The following SLIT3 variants were observed in gnomAD, a reference collection of about 807,000 sequenced individuals.
SLIT3 encodes slit homolog 3 protein.
A neutral mutation model predicts 184.0 loss-of-function variants in SLIT3; 68 were observed. The ratio of observed to expected loss-of-function variants is 0.37; its 90% CI spans 0.30 to 0.45. The LOEUF is 0.45. Among genes scored for constraint, SLIT3 ranks in the 20% least tolerant of loss-of-function variants. SLIT3 has a pLI of 1.00. For synonymous variants in SLIT3, 831 were observed against 828.6 expected (o/e 1.00, Z -0.05); for missense variants, 1,707 against 2,026.0 (o/e 0.84, Z 3.02).
chr5:169,271,560 G>T (rs1327701933), intron 1 of SLIT3, among the ~76,000 whole-genome samples: 2 of 152,176 alleles, frequency 1.3e-5, no homozygotes, highest in Non-Finnish European at 1.5e-5. Flanking sequence ...AAGGAGGCAG[G>T]GGCTTTGCAG....
intron 21 of SLIT3, among the ~76,000 whole-genome samples, chr5:168,723,307 C>CCCAT (rs975214080): frequency 2.0e-5 from 3 of 151,522 alleles, no homozygotes; most frequent in Admixed American, 6.6e-5. Context: ...TGCCTGCCTG[C>CCCAT]CCATCCATCC....
chr5:168,832,454 T>C (rs1757911400), intron 6 of SLIT3, among the ~76,000 whole-genome samples: 1 of 152,204 alleles, frequency 6.6e-6, no homozygotes, highest in Admixed American at 6.5e-5. Context: ...GTTTGGCACA[T>C]AGGAAGCCTC....
chr5:169,207,415 A>G (rs1442698819), intron 3 of SLIT3, among the ~76,000 whole-genome samples: 1 of 145,124 alleles, frequency 6.9e-6, no homozygotes, highest in Non-Finnish European at 1.5e-5. Context: ...ACACACACAC[A>G]CGGCACCAAG....
In SLIT3 at chr5:168,666,251, T is replaced by TAATAA. The variant is rs1561863228; in HGVS notation, c.*198_*202dup. The TAATAA allele has an allele frequency of 8.4e-6, 4 of 477,190 alleles. No individual in the cohort carries two copies. The highest frequency in any genetic ancestry group is 1.4e-5 in the Non-Finnish European group (4 of 277,130). 29.6% of individuals were successfully genotyped at this position (477,190 alleles called of 1,614,324 possible). The stretch of plus-strand genomic sequence containing the variant: ...ACGCAGATGGTGTAATATATTTATA[T>TAATAA]AATAAAAGATGAAAATAGTCACTTT... On this transcript the variant is annotated 3_prime_UTR_variant, in exon 36 of 36. Coordinates refer to ENST00000519560, the MANE Select transcript of SLIT3 (RefSeq NM_003062.4).
At chr5:169,083,075 G>T (rs1759137507) in intron 4 of SLIT3, among the ~76,000 whole-genome samples, 1 of 152,146 alleles carries the variant, frequency 6.6e-6, no homozygotes, top group African/African-American at 2.4e-5. Flanking sequence ...TTAGTTGCTG[G>T]TGAGAAGAAA....
At position 168,744,478 on chromosome 5, in the gene SLIT3, C is replaced by T. The variant is rs2113441668; in HGVS notation, c.2270+3824G>A. Among the ~76,000 whole-genome samples, 2 of 152,256 alleles carry T rather than the reference C, an allele frequency of 1.3e-5. 1 individual carries two copies. The highest frequency in any genetic ancestry group is 4.1e-4 in the South Asian group (2 of 4,830). On this transcript the variant is annotated intron_variant, in intron 20 of 35. Transcript: ENST00000519560. ...ATAGCCTTTTATTAAAAGAAGTAGC[C>T]ATCTAAGACTTTCACAGATAGAGAG...
intron 6 of SLIT3, among the ~76,000 whole-genome samples, chr5:168,839,502 T>C (rs2113704086): frequency 6.6e-6 from 1 of 152,344 alleles, no homozygotes; most frequent in Non-Finnish European, 1.5e-5. Context: ...CCAGAGAAGC[T>C]GGAAATCTGG....
At chr5:169,153,304 G>A (rs1351007505) in intron 4 of SLIT3, among the ~76,000 whole-genome samples, 2 of 133,812 alleles carry the variant, frequency 1.5e-5, no homozygotes, top group South Asian at 2.4e-4. Flanking sequence ...GACAAGTAAC[G>A]ATTTTCTCTC....
At chr5:168,851,769 AC>A (rs897151068) in intron 5 of SLIT3, among the ~76,000 whole-genome samples, 2 of 152,094 alleles carry the variant, frequency 1.3e-5, no homozygotes, top group African/African-American at 4.8e-5. Flanking sequence ...ACCCTGTTAT[AC>A]CCCATGGGGC....
chr5:168,944,430 A>T (rs1762414704), intron 4 of SLIT3, among the ~76,000 whole-genome samples: 1 of 152,208 alleles, frequency 6.6e-6, no homozygotes, highest in Non-Finnish European at 1.5e-5. Context: ...GTATCTCTGC[A>T]CCATGGGGAA....
At chr5:168,764,061 T>A (rs11745421) in intron 14 of SLIT3, among the ~76,000 whole-genome samples, 1 of 152,194 alleles carries the variant, frequency 6.6e-6, no homozygotes, top group Non-Finnish European at 1.5e-5. Context: ...TCTCTCTCCA[T>A]GTAAAATGGG....
chr5:168,687,112 C>T lies in SLIT3; in HGVS notation c.3181G>A (p.Glu1061Lys), dbSNP rs1208160173. Residue 1061 changes from glutamate to lysine, a missense_variant, in exon 30 of 36, where the codon GAG (glutamate) becomes AAG (lysine). This residue lies in a region of SLIT3 where 1,307 missense variants were observed against 1,511.6 expected (regional missense o/e 0.86). Coordinates refer to ENST00000519560, the MANE Select transcript of SLIT3 (RefSeq NM_003062.4). ...TTCCCGCTGTAGCCAGGGACACACT[C>T]GCAGCTGGAACATAGGCAGAGGCAA... ...CIPLDKGFSCECVPGYSGKLC... is the reference protein window; with the variant it reads ...CIPLDKGFSCKCVPGYSGKLC... The T allele has an allele frequency of 1.7e-5, 28 of 1,613,596 alleles. No individual in the cohort carries two copies. The highest frequency in any genetic ancestry group is 6.7e-5 in the African/African-American group (5 of 74,954).
intron 35 of SLIT3, among the ~76,000 whole-genome samples, chr5:168,668,299 T>C (rs1442331762): frequency 6.6e-6 from 1 of 152,146 alleles, no homozygotes; most frequent in African/African-American, 2.4e-5. Context: ...CATTGCAAAA[T>C]GCAGGTTCTG....
Position 168,693,326 on chromosome 5 carries a change from G to T in SLIT3, c.3083-626C>A, listed in dbSNP as rs187996819. On this transcript the variant is annotated intron_variant, in intron 28 of 35. Coordinates refer to ENST00000519560, the MANE Select transcript of SLIT3 (RefSeq NM_003062.4). Reference sequence around the variant, plus strand: ...CAGTTCACCTGTTACAGAAAAGTAAGCCCCTTGGATTTTTCAGGGAAGGAA... The same window carrying T: ...CAGTTCACCTGTTACAGAAAAGTAATCCCCTTGGATTTTTCAGGGAAGGAA... 1.3e-3 allele frequency among the ~76,000 whole-genome samples: 199 copies of T among 152,332 alleles called. 2 individuals carry two copies. Among genetic ancestry groups the T allele is most frequent in the African/African-American group, 4.7e-3 (194 of 41,578 alleles).
chr5:169,214,203 G>A (rs372427623), intron 3 of SLIT3, among the ~76,000 whole-genome samples: 2 of 152,202 alleles, frequency 1.3e-5, no homozygotes, highest in African/African-American at 4.8e-5. Flanking sequence ...TAAAATAAGT[G>A]CTCAATATCT....
intron 4 of SLIT3, among the ~76,000 whole-genome samples, chr5:169,139,949 G>A (rs1262908246): frequency 2.0e-5 from 3 of 152,186 alleles, no homozygotes; most frequent in Admixed American, 6.5e-5. Flanking sequence ...CACTGTAAGT[G>A]CAGCTAACAT....
At chr5:169,214,391 T>A (rs764757357) in intron 3 of SLIT3, among the ~76,000 whole-genome samples, 1 of 151,922 alleles carries the variant, frequency 6.6e-6, no homozygotes, top group African/African-American at 2.4e-5. Flanking sequence ...GGAATTGGGA[T>A]GTGGAAAGAG....
chr5:168,988,669 G>A (rs2113378663), intron 4 of SLIT3, among the ~76,000 whole-genome samples: 1 of 152,302 alleles, frequency 6.6e-6, no homozygotes. Context: ...CAATTAACAT[G>A]CATACGTTAT....
At chr5:168,810,584 G>A (rs1384723740) in intron 8 of SLIT3, among the ~76,000 whole-genome samples, 3 of 152,238 alleles carry the variant, frequency 2.0e-5, no homozygotes, top group Non-Finnish European at 2.9e-5. Context: ...TGAGGATGTG[G>A]CTCAATACGC....
Sources: gnomAD v4.1 joint callset for allele counts (sites outside exome capture counted in the v4.1 genomes callset) on GRCh38, gnomAD v4.1.1 for gene constraint, gnomAD v4.1.1 regional missense constraint, MANE v1.5 for transcripts, NCBI Gene and HGNC (gene_info 2026-07-23, HGNC 2026-07-21) for gene names.